Variants in LAMA2 observed in about 807,000 individuals in gnomAD.
The protein encoded by LAMA2 is laminin subunit alpha-2.
LAMA2 carries 269 observed loss-of-function variants against 364.8 expected under a neutral mutation model. The ratio of observed to expected loss-of-function variants is 0.74; its 90% CI spans 0.67 to 0.82. LAMA2 has a LOEUF of 0.82. LAMA2 is among the 40% of genes least tolerant of loss of function. The probability of loss-of-function intolerance (pLI) is 0.00; values close to 1 mark genes in which losing one functional copy is unlikely to be tolerated. For missense variants in LAMA2, 3,807 were observed against 3,873.2 expected (o/e 0.98, Z 0.45); for synonymous variants, 1,379 against 1,370.6 (o/e 1.01, Z -0.14).
chr6:129,078,665 C>T (rs1315853998), intron 3 of LAMA2, among the ~76,000 whole-genome samples: 1 of 151,978 alleles, frequency 6.6e-6, no homozygotes, highest in African/African-American at 2.4e-5. Flanking sequence ...GGTAAAATGA[C>T]ATAACAAACA....
At chr6:128,956,206 A>G (rs1206175918) in intron 1 of LAMA2, among the ~76,000 whole-genome samples, 2 of 151,986 alleles carry the variant, frequency 1.3e-5, no homozygotes, top group Non-Finnish European at 2.9e-5. Context: ...TTTTAATATT[A>G]AAGGAAGCAT....
chr6:128,980,887 C>A (rs9375607), intron 1 of LAMA2, among the ~76,000 whole-genome samples: 87,989 of 152,066 alleles, frequency 0.58, 29,285 homozygotes, highest in East Asian at 0.8. Context: ...AAACCTGAAA[C>A]GCGAATCATT....
At chr6:129,134,925 G>A (rs2114942696) in intron 4 of LAMA2, among the ~76,000 whole-genome samples, 1 of 152,298 alleles carries the variant, frequency 6.6e-6, no homozygotes, top group East Asian at 1.9e-4. Context: ...GGCAGGAGGT[G>A]ATATTGGGTC....
rs1781578568 is a variant in LAMA2, at chr6:128,962,191, CAT to C, written c.112+78836_112+78837del. 4.5e-5 allele frequency among the ~76,000 whole-genome samples: 5 copies of C among 111,050 alleles called. 1 individual carries two copies. Among genetic ancestry groups the C allele is most frequent in the African/African-American group, 1.4e-4 (4 of 29,462 alleles). 72.9% of individuals were successfully genotyped at this position (111,050 alleles called of 152,430 possible). On this transcript the variant is annotated intron_variant, in intron 1 of 64. Transcript: ENST00000421865. ...ATATATATATATATATATATACACACATACACACACACATACACATATTTATG... is the reference window on the plus strand; with the variant it reads ...ATATATATATATATATATATACACACACACACACACATACACATATTTATG...
At chr6:129,421,352 C>T (rs1308470497) in intron 40 of LAMA2, among the ~76,000 whole-genome samples, 1 of 150,610 alleles carries the variant, frequency 6.6e-6, no homozygotes, top group Non-Finnish European at 1.5e-5. Flanking sequence ...TATATATGTA[C>T]ACAGACTCAG....
At chr6:129,046,943 A>G (rs1239401678) in intron 1 of LAMA2, among the ~76,000 whole-genome samples, 1 of 152,224 alleles carries the variant, frequency 6.6e-6, no homozygotes, top group Non-Finnish European at 1.5e-5. Context: ...TGTCTGGCAT[A>G]ATATGTGCTC....
At chr6:129,230,912 A>T (rs1449918840) in intron 12 of LAMA2, among the ~76,000 whole-genome samples, 1 of 152,114 alleles carries the variant, frequency 6.6e-6, no homozygotes, top group African/African-American at 2.4e-5. Flanking sequence ...TTAGTACTGT[A>T]GCCAAGACAA....
intron 15 of LAMA2, among the ~76,000 whole-genome samples, chr6:129,264,513 G>C (rs1787362898): frequency 6.6e-6 from 1 of 152,036 alleles, no homozygotes; most frequent in African/African-American, 2.4e-5. Context: ...GTCTGGTCTA[G>C]AGATATGTTT....
chr6:129,366,157 T>C, intron 32 of LAMA2, 62 bp from the exon 33 acceptor site: 1 of 1,570,122 alleles, frequency 6.4e-7, no homozygotes, highest in Non-Finnish European at 8.8e-7. Flanking sequence ...AGCTGAATTC[T>C]TTGAACATCT....
At chr6:129,042,038 C>T (rs115143968) in intron 1 of LAMA2, among the ~76,000 whole-genome samples, 2,304 of 149,102 alleles carry the variant, frequency 0.015, 72 homozygotes, top group African/African-American at 0.054. Flanking sequence ...GGCGTGGTGA[C>T]TCATGCCTGT....
At chr6:129,186,270 T>C (rs1042701173) in intron 10 of LAMA2, among the ~76,000 whole-genome samples, 2 of 151,714 alleles carry the variant, frequency 1.3e-5, no homozygotes, top group African/African-American at 2.4e-5. Context: ...AAATAAATTA[T>C]AGAATCATAA....
intron 1 of LAMA2, among the ~76,000 whole-genome samples, chr6:128,917,189 AAC>A (rs1291543892): frequency 1.3e-5 from 2 of 151,912 alleles, no homozygotes; most frequent in Non-Finnish European, 2.9e-5. Flanking sequence ...AAAAAAAAAA[AAC>A]TAATTACAGA....
At chr6:128,949,761 G>A (rs2114564806) in intron 1 of LAMA2, among the ~76,000 whole-genome samples, 1 of 152,170 alleles carries the variant, frequency 6.6e-6, no homozygotes, top group South Asian at 2.1e-4. Flanking sequence ...TTATTTTAGA[G>A]TTTTAAAACT....
At chr6:129,181,435 G>A (rs747607043) in intron 10 of LAMA2, among the ~76,000 whole-genome samples, 42 of 151,690 alleles carry the variant, frequency 2.8e-4, no homozygotes, top group Non-Finnish European at 1.5e-4. Flanking sequence ...ATGATTAGAA[G>A]ATTGAAGAAT....
intron 3 of LAMA2, among the ~76,000 whole-genome samples, chr6:129,064,242 A>C (rs1011408223): frequency 7.9e-5 from 12 of 152,072 alleles, no homozygotes; most frequent in Admixed American, 3.9e-4. Flanking sequence ...GAGAATGGAC[A>C]CACTAACACT....
chr6:128,977,769 C>T (rs1364610306), intron 1 of LAMA2, among the ~76,000 whole-genome samples: 2 of 152,128 alleles, frequency 1.3e-5, no homozygotes, highest in African/African-American at 4.8e-5. Context: ...TTCAACTTTT[C>T]TCTAGTTTTA....
chr6:128,917,657 T>C (rs764294184), intron 1 of LAMA2, among the ~76,000 whole-genome samples: 3 of 151,694 alleles, frequency 2.0e-5, no homozygotes, highest in Admixed American at 2.0e-4. Flanking sequence ...TTACAACTTT[T>C]TCTCTTTATT....
At chr6:128,954,738 C>T (rs1462217676) in intron 1 of LAMA2, among the ~76,000 whole-genome samples, 1 of 151,834 alleles carries the variant, frequency 6.6e-6, no homozygotes, top group Non-Finnish European at 1.5e-5. Context: ...ACTACAAAAT[C>T]ATAGAGGGGG....
intron 40 of LAMA2, among the ~76,000 whole-genome samples, chr6:129,409,038 G>T (rs1039193786): frequency 6.6e-6 from 1 of 152,138 alleles, no homozygotes; most frequent in African/African-American, 2.4e-5. Flanking sequence ...CCAAGTCCCT[G>T]ACCATCCAGC....
Sources: allele counts gnomAD v4.1 joint callset (sites outside exome capture counted in the v4.1 genomes callset), GRCh38; gene constraint gnomAD v4.1.1; transcripts MANE v1.5; gene names NCBI Gene and HGNC (gene_info 2026-07-23, HGNC 2026-07-21).